VAMP7: variants seen among roughly 807,000 people sequenced by gnomAD.
VAMP7 encodes the protein vesicle associated membrane protein 7, also known as vesicle-associated membrane protein 7.
In VAMP7, 14 loss-of-function variants were observed where a neutral mutation model predicts 29.6. The observed-to-expected ratio is 0.47, with a 90% confidence interval of 0.31 to 0.74. The LOEUF (loss-of-function observed/expected upper bound fraction) is 0.74. VAMP7 is among the 30% of genes least tolerant of loss of function. The pLI, the probability that VAMP7 is intolerant of heterozygous loss-of-function variation, is 0.05. For synonymous variants in VAMP7, 95 were observed against 88.1 expected, an observed-to-expected ratio of 1.08 and a Z score of -0.44; for missense variants, 223 against 262.4, an observed-to-expected ratio of 0.85 and a Z score of 1.04.
At chrX:155,932,012 G>C (rs1017797457) in intron 6 of VAMP7, among the ~76,000 whole-genome samples, 5 of 152,070 alleles carry the variant, frequency 3.3e-5, no homozygotes, top group African/African-American at 9.7e-5. Context: ...AAGATGACAT[G>C]GTTGTAGATG....
chrX:155,919,109 G>C (rs1187276242), intron 5 of VAMP7, among the ~76,000 whole-genome samples: 1 of 152,082 alleles, frequency 6.6e-6, no homozygotes, highest in East Asian at 1.9e-4. Context: ...TGAGTAGGGA[G>C]AATTCCCTCC....
At chrX:155,934,418 C>G (rs761330727) in intron 6 of VAMP7, among the ~76,000 whole-genome samples, 1 of 152,266 alleles carries the variant, frequency 6.6e-6, no homozygotes, top group South Asian at 2.1e-4. Flanking sequence ...GGATAGTTAG[C>G]TCTTCTTGTT....
At chrX:155,889,909 A>G (rs2065906906) in intron 2 of VAMP7, among the ~76,000 whole-genome samples, 1 of 151,550 alleles carries the variant, frequency 6.6e-6, no homozygotes, top group Admixed American at 6.6e-5. Context: ...GATAAGATAG[A>G]TAATGTTCCT....
intron 2 of VAMP7, among the ~76,000 whole-genome samples, chrX:155,894,694 C>T (rs1375942440): frequency 6.6e-6 from 1 of 152,072 alleles, no homozygotes; most frequent in African/African-American, 2.4e-5. Flanking sequence ...CAGCTTACTA[C>T]AGCCTCAACC....
intron 5 of VAMP7, among the ~76,000 whole-genome samples, chrX:155,908,231 G>A (rs747798676): frequency 6.7e-4 from 102 of 152,314 alleles, no homozygotes; most frequent in African/African-American, 2.4e-3. Context: ...AGGTTGCAGC[G>A]AGCCGAGATC....
intron 3 of VAMP7, among the ~76,000 whole-genome samples, chrX:155,897,853 T>C (rs1001410634): frequency 6.6e-6 from 1 of 152,146 alleles, no homozygotes; most frequent in Non-Finnish European, 1.5e-5. Flanking sequence ...AACCTAGGTA[T>C]CATTATCTTC....
chrX:155,901,087 G>C (rs1392748318), intron 5 of VAMP7, among the ~76,000 whole-genome samples: 4 of 151,988 alleles, frequency 2.6e-5, no homozygotes, highest in African/African-American at 7.2e-5. Flanking sequence ...TAGTCAACCA[G>C]TTGCAAATAC....
chrX:155,919,959 AC>A (rs1188349831), intron 6 of VAMP7, 79 bp downstream of exon 6: 1 of 1,144,900 alleles, frequency 8.7e-7, no homozygotes, highest in Non-Finnish European at 1.3e-6. Flanking sequence ...ATTGGGAAAT[AC>A]CTTAAATTCA....
intron 5 of VAMP7, among the ~76,000 whole-genome samples, chrX:155,910,098 C>T (rs746989087): frequency 5.9e-5 from 9 of 152,152 alleles, no homozygotes; most frequent in South Asian, 2.1e-4. Flanking sequence ...ATTCCCTGCT[C>T]GGCCCCACAT....
At chrX:155,899,542 GCA>G (rs34027276) in intron 4 of VAMP7, among the ~76,000 whole-genome samples, 1 of 150,330 alleles carries the variant, frequency 6.7e-6, no homozygotes, top group African/African-American at 2.4e-5. Context: ...TAAATTTTAT[GCA>G]CACACACACA....
intron 2 of VAMP7, among the ~76,000 whole-genome samples, chrX:155,892,818 T>G (rs927615079): frequency 5.3e-5 from 8 of 151,844 alleles, no homozygotes; most frequent in Admixed American, 2.0e-4. Flanking sequence ...AATGGCGCAA[T>G]CTCAGCTCAC....
chrX:155,924,442 A>G (rs1194305850), intron 6 of VAMP7, among the ~76,000 whole-genome samples: 1 of 152,160 alleles, frequency 6.6e-6, no homozygotes, highest in African/African-American at 2.4e-5. Flanking sequence ...TTAAGTAATA[A>G]TAACTCCCCA....
intron 5 of VAMP7, among the ~76,000 whole-genome samples, chrX:155,916,262 A>G (rs2066311734): frequency 6.6e-6 from 1 of 152,044 alleles, no homozygotes; most frequent in African/African-American, 2.4e-5. Flanking sequence ...TGCACATGAG[A>G]TGGGTCTCCT....
chrX:155,928,379 C>G (rs775800409), intron 6 of VAMP7, among the ~76,000 whole-genome samples: 15 of 152,280 alleles, frequency 9.9e-5, no homozygotes, highest in African/African-American at 3.4e-4. Flanking sequence ...TTCAGAAGTT[C>G]AAAATCAGTT....
intron 5 of VAMP7, among the ~76,000 whole-genome samples, chrX:155,908,332 G>C (rs1033221997): frequency 1.3e-5 from 2 of 152,226 alleles, no homozygotes; most frequent in African/African-American, 4.8e-5. Flanking sequence ...CGAGGCTGGC[G>C]GATCACTCGC....
At chrX:155,931,721 A>G (rs1427039413) in intron 6 of VAMP7, among the ~76,000 whole-genome samples, 1 of 151,826 alleles carries the variant, frequency 6.6e-6, no homozygotes, top group African/African-American at 2.4e-5. Flanking sequence ...ATTAGATCCC[A>G]TTTGTCAATT....
At chrX:155,920,579 A>C (rs1174582214) in intron 6 of VAMP7, among the ~76,000 whole-genome samples, 2 of 152,218 alleles carry the variant, frequency 1.3e-5, no homozygotes, top group East Asian at 3.9e-4. Context: ...TGTGACTGAC[A>C]GCTGGATTGT....
At chrX:155,883,990 G>A (rs898365926) in intron 1 of VAMP7, among the ~76,000 whole-genome samples, 3 of 151,718 alleles carry the variant, frequency 2.0e-5, no homozygotes, top group African/African-American at 4.8e-5. Flanking sequence ...GGGATTACAG[G>A]CATGAGCCAC....
rs2065903053 is a variant in VAMP7, at chrX:155,889,557, C to A, written c.91C>A (p.Gln31Lys). 3 of 1,613,890 alleles carry A rather than the reference C, an allele frequency of 1.9e-6. No individual in the cohort carries two copies. The highest frequency in any genetic ancestry group is 2.5e-6 in the Non-Finnish European group (3 of 1,179,846). ...CGGNFLEVTE[Q>K]ILAKIPSENN... ...AGGAAACTTCCTGGAGGTGACAGAG[C>A]AGATTCTGGCTAAGATACCTTCTGA... The change falls in exon 2 of 8, where the codon CAG becomes AAG. Residue 31 changes from glutamine to lysine, a missense_variant. Coordinates refer to ENST00000286448, the MANE Select transcript of VAMP7 (RefSeq NM_005638.6).
Sources: gnomAD v4.1 joint callset for allele counts (sites outside exome capture counted in the v4.1 genomes callset) on GRCh38, gnomAD v4.1.1 for gene constraint, MANE v1.5 for transcripts, NCBI Gene and HGNC (gene_info 2026-07-23, HGNC 2026-07-21) for gene names.